Variants in C12orf54 observed in about 807,000 individuals in gnomAD.
C12orf54 encodes uncharacterized protein C12orf54.
In C12orf54, 24 loss-of-function variants were observed where a neutral mutation model predicts 26.4. That is an observed-to-expected ratio of 0.91 (90% CI 0.66 to 1.28). The LOEUF is 1.28. Among genes scored for constraint, C12orf54 ranks in the 50% most tolerant of loss-of-function variants. The pLI, the probability that C12orf54 is intolerant of heterozygous loss-of-function variation, is 0.00. For missense variants in C12orf54, 154 were observed against 150.9 expected (o/e 1.02, Z -0.11); for synonymous variants, 54 against 47.0 (o/e 1.15, Z -0.61).
chr12:48,482,448 G>A (rs1954207867), upstream of C12orf54: 2 of 152,258 alleles, frequency 1.3e-5, no homozygotes, highest in Non-Finnish European at 1.5e-5. Context: ...GGTCACAGCT[G>A]AAGTCACAAA....
chr12:48,460,962 A>C, the C12orf54 span, among the ~76,000 whole-genome samples: 2 of 152,080 alleles, frequency 1.3e-5, no homozygotes, highest in East Asian at 1.9e-4. Context: ...ATTAGAGGAC[A>C]GAGATAACCA....
chr12:48,494,716 A>T, intron 7 of C12orf54, 82 bp from the exon 8 acceptor site: 2 of 1,428,148 alleles, frequency 1.4e-6, no homozygotes, highest in Admixed American at 3.7e-5. Flanking sequence ...TAGAATCTCT[A>T]AGGGCAGTGG....
chr12:48,467,478 G>A, the C12orf54 span, among the ~76,000 whole-genome samples: 1 of 152,072 alleles, frequency 6.6e-6, no homozygotes, highest in Non-Finnish European at 1.5e-5. Flanking sequence ...AATGAATGCT[G>A]TACATAATAA....
chr12:48,473,490 C>T, the C12orf54 span: 1 of 427,214 alleles, frequency 2.3e-6, no homozygotes, highest in Non-Finnish European at 4.4e-6. Context: ...CACTCCAATC[C>T]TGCCCCCTGA....
upstream of C12orf54, among the ~76,000 whole-genome samples, chr12:48,481,595 C>T (rs146636914): frequency 1.0e-3 from 152 of 152,192 alleles, no homozygotes; most frequent in African/African-American, 3.6e-3. Flanking sequence ...GGTGGAGCGC[C>T]GAGCCAATGT....
the C12orf54 span, among the ~76,000 whole-genome samples, chr12:48,414,799 C>A: frequency 6.6e-6 from 1 of 152,134 alleles, no homozygotes; most frequent in South Asian, 2.1e-4. Flanking sequence ...TGGAGTGAGG[C>A]ACTGAAGGCT....
chr12:48,446,871 C>T, the C12orf54 span, among the ~76,000 whole-genome samples: 4 of 152,126 alleles, frequency 2.6e-5, no homozygotes, highest in African/African-American at 9.7e-5. Context: ...ACTGAGATTT[C>T]AGTGGATACA....
chr12:48,419,899 G>T, the C12orf54 span, among the ~76,000 whole-genome samples: 1 of 152,138 alleles, frequency 6.6e-6, no homozygotes, highest in African/African-American at 2.4e-5. Context: ...TAGAAAAAAA[G>T]AAATATATTA....
At chr12:48,472,737 G>A in the C12orf54 span, 1 of 1,614,170 alleles carries the variant, frequency 6.2e-7, no homozygotes, top group South Asian at 1.1e-5. Context: ...ACTTTTCCTG[G>A]ACAACAGTCA....
chr12:48,446,670 G>A, the C12orf54 span, among the ~76,000 whole-genome samples: 1 of 151,936 alleles, frequency 6.6e-6, no homozygotes, highest in South Asian at 2.1e-4. Context: ...GTGACTCACG[G>A]CTTATTTTTA....
chr12:48,491,154 G>C (rs964091689), intron 6 of C12orf54, among the ~76,000 whole-genome samples: 4 of 152,078 alleles, frequency 2.6e-5, no homozygotes, highest in Admixed American at 2.0e-4. Context: ...TACCATACTG[G>C]GTAATTTATA....
chr12:48,450,534 A>G, the C12orf54 span, among the ~76,000 whole-genome samples: 1 of 152,198 alleles, frequency 6.6e-6, no homozygotes, highest in Non-Finnish European at 1.5e-5. Context: ...TCAAAAGATC[A>G]ATGAATCCAG....
At chr12:48,416,375 C>T in the C12orf54 span, among the ~76,000 whole-genome samples, 3 of 152,308 alleles carry the variant, frequency 2.0e-5, no homozygotes, top group South Asian at 6.2e-4. Flanking sequence ...CCCCAATTAA[C>T]TCAAGTTTCT....
chr12:48,489,354 G>A, intron 5 of C12orf54: 1 of 315,566 alleles, frequency 3.2e-6, no homozygotes, highest in South Asian at 3.0e-5. Context: ...AACCATCTTG[G>A]GTAAATAGAA....
rs1427119887 is a variant in C12orf54, at chr12:48,486,726, G to A, written c.135G>A (p.Gln45=). ...QVTITETLWD[Q]VLTVFKDIQK... is the part of the protein sequence containing the mutation. ...CCATCACTGAAACCCTGTGGGACCAGGTGAGTACAGAGGAATCATTTTTGA... is the reference window on the plus strand; with the variant it reads ...CCATCACTGAAACCCTGTGGGACCAAGTGAGTACAGAGGAATCATTTTTGA... The change falls in exon 4 of 9, where the codon CAG becomes CAA. Residue 45 remains glutamine (Q), a splice_region_variant and synonymous_variant. Coordinates refer to ENST00000548364, the MANE Select transcript of C12orf54 (RefSeq NM_152319.4). 1.9e-6 allele frequency: 3 copies of A among 1,612,696 alleles called. No individual in the cohort carries two copies. The Admixed American group carries it at 5.0e-5, about 27-fold the overall frequency.
At chr12:48,462,074 T>C in the C12orf54 span, among the ~76,000 whole-genome samples, 1 of 151,444 alleles carries the variant, frequency 6.6e-6, no homozygotes, top group Non-Finnish European at 1.5e-5. Context: ...TTACTACAAA[T>C]TGTATAGATA....
the C12orf54 span, among the ~76,000 whole-genome samples, chr12:48,458,053 A>T: frequency 6.6e-6 from 1 of 152,198 alleles, no homozygotes; most frequent in African/African-American, 2.4e-5. Context: ...CCTGTGCTTT[A>T]CTTCCCTCAC....
chr12:48,441,435 C>A, the C12orf54 span, among the ~76,000 whole-genome samples: 1 of 152,060 alleles, frequency 6.6e-6, no homozygotes, highest in Non-Finnish European at 1.5e-5. Context: ...TGCACTCCAG[C>A]CTGGGCGACC....
At chr12:48,430,028 C>T in the C12orf54 span, among the ~76,000 whole-genome samples, 2 of 152,062 alleles carry the variant, frequency 1.3e-5, no homozygotes, top group Non-Finnish European at 2.9e-5. Context: ...ACAGCCAACT[C>T]ATCTTCAACA....
Sources: allele counts gnomAD v4.1 joint callset (sites outside exome capture counted in the v4.1 genomes callset), GRCh38; gene constraint gnomAD v4.1.1; transcripts MANE v1.5; gene names NCBI Gene and HGNC (gene_info 2026-07-23, HGNC 2026-07-21).